The following PDE10A variants were observed in gnomAD, a reference collection of about 807,000 sequenced individuals.
The protein encoded by PDE10A is phosphodiesterase 10A.
A neutral mutation model predicts 97.7 loss-of-function variants in PDE10A; 39 were observed. The observed-to-expected ratio is 0.40, with a 90% CI of 0.31 to 0.52. PDE10A has a LOEUF of 0.52. Among genes scored for constraint, PDE10A ranks in the 20% least tolerant of loss-of-function variants. The pLI, the probability that PDE10A is intolerant of heterozygous loss-of-function variation, is 0.56. For synonymous variants in PDE10A, 371 were observed against 376.8 expected, an observed-to-expected ratio of 0.98 and a Z score of 0.18; for missense variants, 731 against 1,047.8, an observed-to-expected ratio of 0.70 and a Z score of 4.17.
intron 3 of PDE10A, among the ~76,000 whole-genome samples, chr6:165,457,717 C>T (rs1778043345): frequency 6.6e-6 from 1 of 152,166 alleles, no homozygotes; most frequent in Admixed American, 6.6e-5. Context: ...GGGAAAGCCA[C>T]TCTCTTGCCT....
intron 1 of PDE10A, among the ~76,000 whole-genome samples, chr6:165,692,664 G>A (rs1791333843): frequency 1.3e-5 from 2 of 152,160 alleles, no homozygotes; most frequent in South Asian, 2.1e-4. Context: ...GCATTTTCTC[G>A]GCAGTAACGC....
At chr6:165,815,813 T>C (rs1779394056) in intron 1 of PDE10A, among the ~76,000 whole-genome samples, 1 of 152,162 alleles carries the variant, frequency 6.6e-6, no homozygotes, top group Non-Finnish European at 1.5e-5. Context: ...TTCTGGTCCC[T>C]TTTGTGCTGT....
intron 1 of PDE10A, among the ~76,000 whole-genome samples, chr6:165,935,546 T>A (rs564530963): frequency 2.8e-4 from 42 of 152,312 alleles, no homozygotes; most frequent in African/African-American, 1.0e-3. Flanking sequence ...CAAGAAATGA[T>A]TCTGGACTAA....
chr6:165,632,923 G>C (rs753759), intron 1 of PDE10A, among the ~76,000 whole-genome samples: 128,058 of 151,954 alleles, frequency 0.84, 54,082 homozygotes, highest in East Asian at 0.89. Context: ...AGTTCTAGCT[G>C]AAATTCACAA....
rs113648418 is a variant in PDE10A, at chr6:165,535,230, A to AATATATAT, written c.994+8202_994+8209dup. ...GAAACCCCGGGAATCTGCCTTTTAA[A>AATATATAT]ATATATATATATATATATGATACAT... On this transcript the variant is annotated intron_variant, in intron 2 of 21. Transcript: ENST00000539869. Among the ~76,000 whole-genome samples, 659 of 148,098 alleles carry AATATATAT rather than the reference A, an allele frequency of 4.4e-3. 7 individuals are homozygous for AATATATAT. Among genetic ancestry groups the AATATATAT allele is most frequent in the African/African-American group, 0.016 (631 of 40,624 alleles).
At chr6:165,940,130 G>A (rs1335549018) in intron 1 of PDE10A, 1 of 152,218 alleles carries the variant, frequency 6.6e-6, no homozygotes, top group Non-Finnish European at 1.5e-5. Flanking sequence ...AGCCTTGCTT[G>A]TTTTATTATT....
intron 5 of PDE10A, among the ~76,000 whole-genome samples, chr6:165,442,845 A>G (rs1384236810): frequency 6.6e-6 from 1 of 152,146 alleles, no homozygotes; most frequent in East Asian, 1.9e-4. Context: ...TAGGCCAGGC[A>G]TGGTGGCTCA....
intron 1 of PDE10A, among the ~76,000 whole-genome samples, chr6:165,629,064 T>C (rs1170328484): frequency 6.6e-6 from 1 of 152,160 alleles, no homozygotes; most frequent in African/African-American, 2.4e-5. Context: ...TTCAGGATTT[T>C]TGATGTGCGA....
intron 18 of PDE10A, among the ~76,000 whole-genome samples, chr6:165,366,252 T>C (rs935393058): frequency 6.6e-6 from 1 of 152,182 alleles, no homozygotes; most frequent in Non-Finnish European, 1.5e-5. Context: ...GCTAATATTG[T>C]GTTGTAAATT....
intron 1 of PDE10A, among the ~76,000 whole-genome samples, chr6:165,623,777 A>ACTCTCT (rs60420641): frequency 6.6e-6 from 1 of 151,168 alleles, no homozygotes; most frequent in African/African-American, 2.4e-5. Flanking sequence ...TTTTAGAAAC[A>ACTCTCT]CTCTCTTCCT....
At chr6:165,727,877 T>G (rs1039797844) in intron 1 of PDE10A, among the ~76,000 whole-genome samples, 5 of 152,228 alleles carry the variant, frequency 3.3e-5, no homozygotes, top group Admixed American at 6.5e-5. Context: ...AATCTAAGGC[T>G]GCTTTGTAAG....
chr6:165,476,429 C>T (rs2128277131), intron 3 of PDE10A, among the ~76,000 whole-genome samples: 1 of 152,016 alleles, frequency 6.6e-6, no homozygotes, highest in Non-Finnish European at 1.5e-5. Flanking sequence ...TTAAGCAGAA[C>T]AAGAAACAGT....
At chr6:165,428,794 C>A in intron 9 of PDE10A, 85 bp from the exon 10 acceptor site, 1 of 559,820 alleles carries the variant, frequency 1.8e-6, no homozygotes, top group South Asian at 2.6e-5. Flanking sequence ...CTGGTTTTGT[C>A]TACATTTAAA....
chr6:165,566,959 T>G (rs937816091), intron 1 of PDE10A, among the ~76,000 whole-genome samples: 1 of 152,180 alleles, frequency 6.6e-6, no homozygotes, highest in African/African-American at 2.4e-5. Context: ...CCCTTAAAAG[T>G]GCATACTTAA....
chr6:165,619,387 G>GTGTAC, intron 1 of PDE10A, among the ~76,000 whole-genome samples: 1 of 128,930 alleles, frequency 7.8e-6, no homozygotes, highest in Non-Finnish European at 1.7e-5. Flanking sequence ...GTGTAGTCTA[G>GTGTAC]TATAGTGTAG....
intron 1 of PDE10A, among the ~76,000 whole-genome samples, chr6:165,970,974 C>A (rs1051604308): frequency 6.6e-6 from 1 of 152,058 alleles, no homozygotes. Context: ...ATGGCAAAGC[C>A]CCGTCTCTAC....
At chr6:165,704,483 G>A (rs1029032492) in intron 1 of PDE10A, among the ~76,000 whole-genome samples, 6 of 152,082 alleles carry the variant, frequency 3.9e-5, no homozygotes, top group Admixed American at 3.9e-4. Flanking sequence ...TTGGTATGGA[G>A]GCTCTTCCAA....
chr6:165,815,341 A>G (rs572862590), intron 1 of PDE10A, among the ~76,000 whole-genome samples: 1 of 152,308 alleles, frequency 6.6e-6, no homozygotes, highest in East Asian at 1.9e-4. Context: ...ATTGTCATGG[A>G]AATCCAGGTT....
intron 19 of PDE10A, among the ~76,000 whole-genome samples, chr6:165,340,008 C>CT: frequency 6.6e-6 from 1 of 151,360 alleles, no homozygotes; most frequent in South Asian, 2.1e-4. Context: ...TAAAGATTCA[C>CT]TTACAGGTAA....
Sources: allele counts gnomAD v4.1 joint callset (sites outside exome capture counted in the v4.1 genomes callset), GRCh38; gene constraint gnomAD v4.1.1; transcripts MANE v1.5; gene names NCBI Gene and HGNC (gene_info 2026-07-23, HGNC 2026-07-21).